Variants in PKHD1 observed in about 807,000 individuals in gnomAD.
The protein encoded by PKHD1 is fibrocystin.
In PKHD1, 291 loss-of-function variants were observed where a neutral mutation model predicts 412.0. The observed-to-expected ratio is 0.71, with a 90% CI of 0.64 to 0.78. The LOEUF (loss-of-function observed/expected upper bound fraction) is 0.78. PKHD1 is among the 30% of genes least tolerant of loss of function. PKHD1 has a pLI of 0.00. For missense variants in PKHD1, 4,825 were observed against 4,950.7 expected, an observed-to-expected ratio of 0.97 and a Z score of 0.76; for synonymous variants, 1,777 against 1,821.5, an observed-to-expected ratio of 0.98 and a Z score of 0.62.
intron 43 of PKHD1, among the ~76,000 whole-genome samples, chr6:51,896,740 A>G (rs1165725030): frequency 7.2e-5 from 11 of 151,976 alleles, no homozygotes. Context: ...CATTCAAACC[A>G]AAGGCAAAGA....
rs371124147 is a variant in PKHD1 at position 52,079,971 on chromosome 6, G to A, written c.319C>T (p.Leu107=). Residue 107 remains leucine, a synonymous_variant, in exon 5 of 67, where the codon CTG becomes TTG. Coordinates refer to ENST00000371117, the MANE Select transcript of PKHD1 (RefSeq NM_138694.4). ...AGCTGTCCCCCGAAGTATGCTTCCAGGAAGTACAGACCCTCATGTGCTTCA... is the reference window on the plus strand; with the variant it reads ...AGCTGTCCCCCGAAGTATGCTTCCAAGAAGTACAGACCCTCATGTGCTTCA... The part of the protein sequence containing the change: ...LSEAHEGLYF[L]EAYFGGQLVS... The A allele has an allele frequency of 6.2e-7, 1 of 1,611,406 alleles. No individual in the cohort carries two copies. Among genetic ancestry groups the A allele is most frequent in the Admixed American group, 1.7e-5 (1 of 60,000 alleles).
chr6:51,884,351 C>T (rs979589698), intron 45 of PKHD1, among the ~76,000 whole-genome samples: 1 of 152,080 alleles, frequency 6.6e-6, no homozygotes, highest in Non-Finnish European at 1.5e-5. Context: ...GGTTTATCTC[C>T]AGACTCTCAC....
chr6:51,786,324 T>C (rs1294556947), intron 53 of PKHD1, among the ~76,000 whole-genome samples: 3 of 152,176 alleles, frequency 2.0e-5, no homozygotes, highest in South Asian at 2.1e-4. Flanking sequence ...TTAACTCCTG[T>C]ACCTTACTTC....
At chr6:51,859,723 G>T (rs1773895419) in intron 48 of PKHD1, among the ~76,000 whole-genome samples, 1 of 152,002 alleles carries the variant, frequency 6.6e-6, no homozygotes, top group African/African-American at 2.4e-5. Context: ...CCCTGACTCA[G>T]TTTCTGTAGA....
At chr6:51,749,975 T>G (rs959050686) in intron 57 of PKHD1, among the ~76,000 whole-genome samples, 4 of 152,210 alleles carry the variant, frequency 2.6e-5, no homozygotes, top group African/African-American at 9.6e-5. Context: ...AAGCAATACA[T>G]TTGAAGTTTC....
chr6:51,632,980 CT>C (rs953577625), intron 64 of PKHD1, among the ~76,000 whole-genome samples: 6 of 152,134 alleles, frequency 3.9e-5, no homozygotes, highest in African/African-American at 1.4e-4. Flanking sequence ...CCAATTCTCT[CT>C]TTTAATTTTC....
At chr6:51,985,718 G>C (rs1281282025) in intron 35 of PKHD1, among the ~76,000 whole-genome samples, 1 of 152,098 alleles carries the variant, frequency 6.6e-6, no homozygotes, top group East Asian at 1.9e-4. Flanking sequence ...AACAGAGTGA[G>C]AATCCATCTC....
chr6:51,758,759 T>C (rs1415598938), intron 55 of PKHD1, among the ~76,000 whole-genome samples: 1 of 152,168 alleles, frequency 6.6e-6, no homozygotes, highest in African/African-American at 2.4e-5. Flanking sequence ...AGTTTCTTTA[T>C]TTTGGCATAA....
chr6:52,067,629 A>G (rs1160520137), intron 11 of PKHD1, among the ~76,000 whole-genome samples: 1 of 152,172 alleles, frequency 6.6e-6, no homozygotes, highest in Non-Finnish European at 1.5e-5. Context: ...TTTAGAGATG[A>G]CACTAATCTG....
intron 15 of PKHD1, 108 bp downstream of exon 15, chr6:52,059,820 G>T: frequency 1.4e-6 from 1 of 715,026 alleles, no homozygotes; most frequent in South Asian, 1.5e-5. Context: ...TCATCCAATG[G>T]CATGTTAAAC....
At position 51,959,893 on chromosome 6, in the gene PKHD1, A is replaced by T. The variant is rs756573585; in HGVS notation, c.5885T>A (p.Ile1962Asn). The change falls in exon 36 of 67, where the codon ATC (isoleucine) becomes AAC (asparagine). Residue 1962 changes from isoleucine to asparagine, a missense_variant. By Grantham distance (149) the Ile-to-Asn change is moderately radical (BLOSUM62 -3). Transcript: ENST00000371117. ...ACCTTTAATGTGCAGTAAGTTGAGGATGCTTGTGTTAGTGTCCAGCAGAAG... is the reference window on the plus strand; with the variant it reads ...ACCTTTAATGTGCAGTAAGTTGAGGTTGCTTGTGTTAGTGTCCAGCAGAAG... ...QLLLLDTNTS[I>N]LNLLHIKGGK... 8.7e-6 allele frequency: 14 copies of T among 1,613,286 alleles called. No homozygotes were observed. The highest frequency in any genetic ancestry group is 3.3e-4 in the Middle Eastern group (2 of 6,070).
intron 66 of PKHD1, among the ~76,000 whole-genome samples, chr6:51,624,275 T>C (rs1047485377): frequency 6.6e-5 from 10 of 152,218 alleles, no homozygotes; most frequent in Non-Finnish European, 8.8e-5. Context: ...TGAAGTTGTC[T>C]TGTGGGACAA....
intron 43 of PKHD1, among the ~76,000 whole-genome samples, chr6:51,902,297 T>C (rs1435053225): frequency 6.6e-6 from 1 of 152,144 alleles, no homozygotes; most frequent in African/African-American, 2.4e-5. Flanking sequence ...ATTAAAAGTT[T>C]AAAATAACAA....
At chr6:51,766,747 G>A (rs2151096306) in intron 55 of PKHD1, among the ~76,000 whole-genome samples, 1 of 151,874 alleles carries the variant, frequency 6.6e-6, no homozygotes, top group African/African-American at 2.4e-5. Context: ...TGTGCACAGG[G>A]AGGGATAGCA....
At chr6:51,695,793 G>A (rs1197474454) in intron 60 of PKHD1, among the ~76,000 whole-genome samples, 1 of 152,088 alleles carries the variant, frequency 6.6e-6, no homozygotes, top group African/African-American at 2.4e-5. Context: ...AGGCTAAAAG[G>A]TAGAAAAAAT....
chr6:51,794,698 A>G (rs1794318035), intron 52 of PKHD1, among the ~76,000 whole-genome samples: 2 of 152,098 alleles, frequency 1.3e-5, no homozygotes, highest in Admixed American at 1.3e-4. Flanking sequence ...ATTTTTGTAT[A>G]TGGCTTAAGG....
intron 52 of PKHD1, among the ~76,000 whole-genome samples, chr6:51,811,283 G>C (rs1282967911): frequency 1.3e-5 from 2 of 152,018 alleles, no homozygotes; most frequent in African/African-American, 4.8e-5. Flanking sequence ...TCTCCCACTT[G>C]AACAATGAGG....
At chr6:51,985,761 C>T (rs1583723746) in intron 35 of PKHD1, among the ~76,000 whole-genome samples, 1 of 151,988 alleles carries the variant, frequency 6.6e-6, no homozygotes, top group Non-Finnish European at 1.5e-5. Context: ...ATATGCTACC[C>T]TAAATGATAA....
intron 55 of PKHD1, among the ~76,000 whole-genome samples, chr6:51,767,329 C>A (rs928323512): frequency 2.6e-5 from 4 of 151,340 alleles, no homozygotes; most frequent in Non-Finnish European, 5.9e-5. Flanking sequence ...TCCTCTTATT[C>A]TTTTCTTTTA....
Sources: allele counts gnomAD v4.1 joint callset (sites outside exome capture counted in the v4.1 genomes callset), GRCh38; gene constraint gnomAD v4.1.1; transcripts MANE v1.5; gene names NCBI Gene and HGNC (gene_info 2026-07-23, HGNC 2026-07-21).